The following NELL2 variants were observed in gnomAD, a reference collection of about 807,000 sequenced individuals.
NELL2 encodes the protein neural EGFL like 2.
Under a neutral mutation model 109.6 loss-of-function variants are expected in NELL2, and 41 were observed. The observed-to-expected ratio is 0.37, with a 90% CI of 0.29 to 0.49. The LOEUF is 0.49. Among genes scored for constraint, NELL2 ranks in the 20% least tolerant of loss-of-function variants. The pLI is 0.98. For missense variants in NELL2, 900 were observed against 1,008.3 expected (o/e 0.89, Z 1.45); for synonymous variants, 355 against 344.7 (o/e 1.03, Z -0.33).
At chr12:44,794,410 T>C (rs114457488) in intron 3 of NELL2, among the ~76,000 whole-genome samples, 2,200 of 152,266 alleles carry the variant, frequency 0.014, 52 homozygotes, top group African/African-American at 0.05. Flanking sequence ...CATGACACAC[T>C]CTTCCAACAA....
chr12:44,823,844 G>T (rs927368198), intron 2 of NELL2, among the ~76,000 whole-genome samples: 2 of 152,166 alleles, frequency 1.3e-5, no homozygotes, highest in East Asian at 3.9e-4. Flanking sequence ...ACCAATTTAC[G>T]TTCAAACCAA....
At chr12:44,746,428 A>C (rs1467277095) in intron 9 of NELL2, among the ~76,000 whole-genome samples, 1 of 152,212 alleles carries the variant, frequency 6.6e-6, no homozygotes, top group African/African-American at 2.4e-5. Context: ...CAATGGCAAC[A>C]AAAGACAAAA....
At chr12:44,666,806 C>T (rs1947939471) in intron 12 of NELL2, among the ~76,000 whole-genome samples, 1 of 152,148 alleles carries the variant, frequency 6.6e-6, no homozygotes, top group Non-Finnish European at 1.5e-5. Flanking sequence ...TTGGTCTTTA[C>T]TTTTCCAATT....
chr12:44,845,232 C>T (rs769097430), intron 2 of NELL2, among the ~76,000 whole-genome samples: 2 of 152,302 alleles, frequency 1.3e-5, no homozygotes, highest in South Asian at 2.1e-4. Context: ...CTTTCCCCAT[C>T]ACAAATGAGC....
At chr12:44,703,927 T>A in intron 11 of NELL2, 73 bp from the exon 12 acceptor site, 1 of 1,356,890 alleles carries the variant, frequency 7.4e-7, no homozygotes, top group South Asian at 1.4e-5. Flanking sequence ...CTTAATATTT[T>A]CTTTAATTTT....
upstream of NELL2, chr12:44,876,699 C>T (rs1286640751): frequency 6.5e-7 from 1 of 1,549,740 alleles, no homozygotes; most frequent in East Asian, 2.4e-5. Flanking sequence ...CGCTCGCCTG[C>T]CCTTTAAGCA....
chr12:44,819,782 C>A (rs938860611), intron 2 of NELL2, among the ~76,000 whole-genome samples: 1 of 152,158 alleles, frequency 6.6e-6, no homozygotes, highest in Non-Finnish European at 1.5e-5. Context: ...GAAGGAGGGA[C>A]CCTCCAGCAT....
At chr12:44,569,533 T>G (rs1367327820) in intron 15 of NELL2, among the ~76,000 whole-genome samples, 1 of 152,142 alleles carries the variant, frequency 6.6e-6, no homozygotes, top group Non-Finnish European at 1.5e-5. Flanking sequence ...TTCCTTTAAC[T>G]AAACTAATCA....
At chr12:44,739,521 T>A (rs1939827511) in intron 9 of NELL2, among the ~76,000 whole-genome samples, 2 of 152,132 alleles carry the variant, frequency 1.3e-5, no homozygotes, top group Non-Finnish European at 2.9e-5. Context: ...TATCTTAAAA[T>A]GGTTGGAAAA....
chr12:44,533,909 G>T (rs1305247393), intron 15 of NELL2, among the ~76,000 whole-genome samples: 1 of 151,488 alleles, frequency 6.6e-6, no homozygotes, highest in African/African-American at 2.4e-5. Context: ...CATAGCCGAA[G>T]GTTCCAACCT....
At chr12:44,661,351 T>C (rs1381013738) in intron 13 of NELL2, among the ~76,000 whole-genome samples, 4 of 152,206 alleles carry the variant, frequency 2.6e-5, no homozygotes, top group Non-Finnish European at 5.9e-5. Flanking sequence ...GTACTTTCTT[T>C]CTTGCACTAA....
intron 12 of NELL2, among the ~76,000 whole-genome samples, chr12:44,696,409 G>A (rs1949063386): frequency 6.6e-6 from 1 of 152,088 alleles, no homozygotes; most frequent in African/African-American, 2.4e-5. Flanking sequence ...CAAATTTTAG[G>A]TAGAATTCAA....
intron 15 of NELL2, among the ~76,000 whole-genome samples, chr12:44,605,849 T>C (rs990718862): frequency 6.6e-6 from 1 of 152,126 alleles, no homozygotes; most frequent in African/African-American, 2.4e-5. Context: ...TGCACCTTGA[T>C]GTGTAGGGGC....
chr12:44,695,630 G>T (rs903549159), intron 12 of NELL2, among the ~76,000 whole-genome samples: 1 of 151,894 alleles, frequency 6.6e-6, no homozygotes, highest in Admixed American at 6.6e-5. Flanking sequence ...CACAGAATTT[G>T]AAGACAGATG....
At chr12:44,736,622 A>G (rs1429596120) in intron 9 of NELL2, among the ~76,000 whole-genome samples, 5 of 152,132 alleles carry the variant, frequency 3.3e-5, no homozygotes, top group Non-Finnish European at 5.9e-5. Context: ...TCAACAATAT[A>G]CTGAACGAAA....
rs1592384740 is a variant in NELL2 at position 44,714,691 on chromosome 12, C to T, written c.1045G>A (p.Val349Ile). 1.2e-6 allele frequency: 2 copies of T among 1,604,126 alleles called. No homozygotes were observed. Among genetic ancestry groups the T allele is most frequent in the Non-Finnish European group, 1.7e-6 (2 of 1,176,220 alleles). ...RTYFEGERNT[V>I]YSSSGVCVLY... ...ACACATACTCCAGAAGAGGAATAGA[C>T]TGTATTTCTTTCTCCTTCAAAGTAG... Residue 349 changes from valine (V) to isoleucine (I), a missense_variant, in exon 10 of 20, where the codon GTC (valine) becomes ATC (isoleucine). Around this residue, in one of 4 missense-constraint regions of NELL2, gnomAD observed 292 missense variants for 265.3 expected, o/e 1.10. Transcript: ENST00000429094.
At chr12:44,512,525 A>AC (rs1424405976) in intron 19 of NELL2, among the ~76,000 whole-genome samples, 1 of 152,090 alleles carries the variant, frequency 6.6e-6, no homozygotes, top group Non-Finnish European at 1.5e-5. Flanking sequence ...ATATATCTGA[A>AC]CCCCCATGCA....
At chr12:44,730,305 T>C (rs1939301399) in intron 9 of NELL2, among the ~76,000 whole-genome samples, 1 of 152,148 alleles carries the variant, frequency 6.6e-6, no homozygotes, top group South Asian at 2.1e-4. Context: ...CAGACATATA[T>C]AGAACATTCC....
intron 3 of NELL2, among the ~76,000 whole-genome samples, chr12:44,810,254 C>G (rs1943130210): frequency 6.6e-6 from 1 of 152,084 alleles, no homozygotes; most frequent in East Asian, 1.9e-4. Flanking sequence ...GTTTAATGCA[C>G]AATCCTTGAC....
Sources: allele counts gnomAD v4.1 joint callset (sites outside exome capture counted in the v4.1 genomes callset), GRCh38; gene constraint gnomAD v4.1.1; regional missense constraint gnomAD v4.1.1; transcripts MANE v1.5; gene names NCBI Gene and HGNC (gene_info 2026-07-23, HGNC 2026-07-21).